ELF5: variants seen among roughly 807,000 people sequenced by gnomAD.
ELF5 encodes ETS-related transcription factor Elf-5.
In ELF5, 31 loss-of-function variants were observed where a neutral mutation model predicts 38.2. The ratio of observed to expected loss-of-function variants is 0.81; its 90% CI spans 0.61 to 1.10. The LOEUF (loss-of-function observed/expected upper bound fraction) is 1.10, where lower values mean the gene tolerates loss of function less well. Among genes scored for constraint, ELF5 ranks in the 50% least tolerant of loss-of-function variants. ELF5 has a pLI of 0.00. For synonymous variants in ELF5, 121 were observed against 112.5 expected (o/e 1.08, Z -0.48); for missense variants, 300 against 306.6 (o/e 0.98, Z 0.16).
chr11:34,502,480 C>A (rs117163051), intron 2 of ELF5, among the ~76,000 whole-genome samples: 1 of 152,240 alleles, frequency 6.6e-6, no homozygotes, highest in Non-Finnish European at 1.5e-5. Context: ...TGGGTGGCAA[C>A]GTCCTTGTTG....
intron 1 of ELF5, among the ~76,000 whole-genome samples, chr11:34,505,992 A>C (rs2133900975): frequency 6.6e-6 from 1 of 152,334 alleles, no homozygotes; most frequent in Non-Finnish European, 1.5e-5. Context: ...CAATTGCCAA[A>C]GTGATATAAC....
At chr11:34,510,543 G>A (rs1416723901) in intron 1 of ELF5, among the ~76,000 whole-genome samples, 2 of 152,120 alleles carry the variant, frequency 1.3e-5, no homozygotes, top group African/African-American at 4.8e-5. Flanking sequence ...GGTGTGAAAA[G>A]GCAGATGTCC....
chr11:34,504,822 T>C (rs1483432791), intron 2 of ELF5, among the ~76,000 whole-genome samples: 1 of 152,116 alleles, frequency 6.6e-6, no homozygotes, highest in African/African-American at 2.4e-5. Context: ...CAAGGTCCCA[T>C]GCTGCCTTCT....
At chr11:34,511,584 C>T in intron 1 of ELF5, 1 of 1,614,186 alleles carries the variant, frequency 6.2e-7, no homozygotes, top group African/African-American at 1.3e-5. Context: ...GCTGAGGTCC[C>T]CAGATGCCTC....
At chr11:34,510,735 C>T (rs539345955) in intron 1 of ELF5, among the ~76,000 whole-genome samples, 1 of 152,178 alleles carries the variant, frequency 6.6e-6, no homozygotes, top group African/African-American at 2.4e-5. Context: ...CAAAGGTCTA[C>T]AGTAGATGTA....
At chr11:34,505,537 A>G in intron 2 of ELF5, 92 bp downstream of exon 2, 1 of 1,580,390 alleles carries the variant, frequency 6.3e-7, no homozygotes, top group East Asian at 2.3e-5. Context: ...CCTAGGCCCC[A>G]GCACAGCTTT....
chr11:34,507,727 A>T (rs1189738047), intron 1 of ELF5, among the ~76,000 whole-genome samples: 1 of 152,234 alleles, frequency 6.6e-6, no homozygotes, highest in Non-Finnish European at 1.5e-5. Flanking sequence ...GTTCACCCGA[A>T]TTCTTTTTTC....
chr11:34,501,096 G>A (rs1002561504), intron 2 of ELF5, among the ~76,000 whole-genome samples: 8 of 152,212 alleles, frequency 5.3e-5, no homozygotes, highest in Non-Finnish European at 2.9e-5. Flanking sequence ...TCAAGCTCAC[G>A]TAACCCGTAA....
chr11:34,494,494 G>A (rs1433800764), intron 2 of ELF5, among the ~76,000 whole-genome samples: 1 of 152,186 alleles, frequency 6.6e-6, no homozygotes, highest in African/African-American at 2.4e-5. Flanking sequence ...TTTTGGTGGT[G>A]TTCAGAGTAA....
intron 4 of ELF5, among the ~76,000 whole-genome samples, chr11:34,486,792 C>G (rs1390920460): frequency 1.3e-5 from 2 of 152,204 alleles, no homozygotes; most frequent in African/African-American, 4.8e-5. Flanking sequence ...ATGCTTAGTA[C>G]ATAGTAAGTG....
In ELF5 at chr11:34,479,644, A is replaced by G. The variant is rs1007223181; in HGVS notation, c.*574T>C. The G allele has an allele frequency of 2.0e-5, 3 of 151,872 alleles. No individual in the cohort carries two copies. The highest frequency in any genetic ancestry group is 4.4e-5 in the Non-Finnish European group (3 of 68,010). The allele number at this position is 151,872 out of a possible 1,614,324, so 9.4% of individuals were successfully genotyped here. Reference sequence around the variant, plus strand: ...TGAGGTGGGAGGATCACTTGAGCATAGGAGTTCAAGACCAGCCCTGGGCAA... The same window carrying G: ...TGAGGTGGGAGGATCACTTGAGCATGGGAGTTCAAGACCAGCCCTGGGCAA... On this transcript the variant is annotated 3_prime_UTR_variant, in exon 7 of 7. Transcript: ENST00000257832.
In ELF5 at chr11:34,482,136, A is replaced by G. The variant is rs1184683621; in HGVS notation, c.475+295T>C. On this transcript the variant is annotated intron_variant, in intron 5 of 6. Transcript: ENST00000257832. ...TTTTCATTCCAAAGCTAATGTTCAC[A>G]ACTACGATCATGTCTTTCATAGTAG... 7.9e-5 allele frequency among the ~76,000 whole-genome samples: 12 copies of G among 152,240 alleles called. No individual in the cohort carries two copies. The South Asian group carries it at 2.5e-3, about 31-fold the overall frequency.
chr11:34,485,860 C>T (rs3758732), intron 4 of ELF5, among the ~76,000 whole-genome samples: 20,601 of 152,046 alleles, frequency 0.14, 1,555 homozygotes, highest in East Asian at 0.23. Flanking sequence ...GTAGCACCAC[C>T]GTGAACCCAC....
chr11:34,503,661 A>G (rs1039495032), intron 2 of ELF5, among the ~76,000 whole-genome samples: 3 of 152,176 alleles, frequency 2.0e-5, no homozygotes, highest in African/African-American at 7.2e-5. Flanking sequence ...TATGTTGCCC[A>G]GGCTGGTCTC....
chr11:34,492,349 G>A (rs1590329707), intron 3 of ELF5: 2 of 152,258 alleles, frequency 1.3e-5, no homozygotes. Context: ...TCACAGAGCA[G>A]GAGGGTCCTC....
At chr11:34,486,240 G>T (rs1849994026) in intron 4 of ELF5, among the ~76,000 whole-genome samples, 1 of 152,050 alleles carries the variant, frequency 6.6e-6, no homozygotes, top group Admixed American at 6.6e-5. Flanking sequence ...GGAGGTGCCT[G>T]GCAGTGAACC....
At chr11:34,502,042 G>A (rs560902613) in intron 2 of ELF5, among the ~76,000 whole-genome samples, 2 of 152,308 alleles carry the variant, frequency 1.3e-5, no homozygotes, top group South Asian at 4.1e-4. Flanking sequence ...AGAGGAGAGG[G>A]AAGGCTGTTT....
rs1276367649 is a variant in ELF5 at position 34,480,207 on chromosome 11, C to T, written c.*11G>A. On this transcript the variant is annotated 3_prime_UTR_variant, in exon 7 of 7. Coordinates refer to ENST00000257832, the MANE Select transcript of ELF5 (RefSeq NM_001422.4). ...AGAAATCCATAAAATGAGCTTGATG[C>T]CTGGAGCAGATCATAGCTTGTCTTC... 7 of 1,609,122 alleles carry T rather than the reference C, an allele frequency of 4.4e-6. No individual in the cohort carries two copies. The highest frequency in any genetic ancestry group is 1.1e-5 in the South Asian group (1 of 90,912).
chr11:34,482,570 A>C, intron 4 of ELF5, 71 bp from the exon 5 acceptor site: 1 of 1,238,368 alleles, frequency 8.1e-7, no homozygotes, highest in Non-Finnish European at 1.1e-6. Flanking sequence ...TCATACCCAA[A>C]TGAGCAAATA....
Sources: allele counts gnomAD v4.1 joint callset (sites outside exome capture counted in the v4.1 genomes callset), GRCh38; gene constraint gnomAD v4.1.1; transcripts MANE v1.5; gene names NCBI Gene and HGNC (gene_info 2026-07-23, HGNC 2026-07-21).